The following COL18A1 variants were observed in gnomAD, a reference collection of about 807,000 sequenced individuals.
COL18A1 encodes the protein collagen alpha-1(XVIII) chain.
COL18A1 carries 133 observed loss-of-function variants against 168.0 expected under a neutral mutation model. That is an observed-to-expected ratio of 0.79 (90% confidence interval 0.69 to 0.91). The LOEUF (loss-of-function observed/expected upper bound fraction) is 0.91, where lower values mean the gene tolerates loss of function less well. COL18A1 is among the 40% of genes least tolerant of loss of function. The probability of loss-of-function intolerance (pLI) is 0.00; values close to 1 mark genes in which losing one functional copy is unlikely to be tolerated. For missense variants in COL18A1, 2,126 were observed against 1,925.4 expected, an observed-to-expected ratio of 1.10 and a Z score of -1.95; for synonymous variants, 949 against 809.0, an observed-to-expected ratio of 1.17 and a Z score of -2.94.
At position 45,505,256 on chromosome 21, in the gene COL18A1, A is replaced by C. The variant is rs748886407; in HGVS notation, c.2991A>C (p.Ser997=). 3.8e-6 allele frequency: 6 copies of C among 1,592,000 alleles called. No individual in the cohort carries two copies. The South Asian group carries it at 6.7e-5, about 18-fold the overall frequency. The part of the protein sequence containing the change: ...PGPPGPPGPP[S]FPGPHRQTIS... ...CCCCAGGCCCCCCAGGGCCCCCTTC[A>C]TTTCCTGGCCCTCACAGGCAGAGTA... Residue 997 remains serine, a synonymous_variant, in exon 35 of 42, where the codon TCA becomes TCC. Coordinates refer to ENST00000651438, the MANE Select transcript of COL18A1 (RefSeq NM_001379500.1).
At chr21:45,467,833 G>T (rs1421696899) in intron 2 of COL18A1, among the ~76,000 whole-genome samples, 2 of 152,162 alleles carry the variant, frequency 1.3e-5, no homozygotes, top group Non-Finnish European at 2.9e-5. Flanking sequence ...CCCAGCGGGG[G>T]TGCCGGCCAG....
intron 41 of COL18A1, 115 bp downstream of exon 41, chr21:45,511,341 A>ATTACT (rs2037597939): frequency 1.4e-6 from 1 of 695,986 alleles, no homozygotes; most frequent in East Asian, 2.7e-5. Context: ...ATACATGCTC[A>ATTACT]TTACTTTAAA....
At chr21:45,477,709 GCCCCA>G (rs749136851) in intron 7 of COL18A1, 36 bp from the exon 8 acceptor site, 25 of 1,500,010 alleles carry the variant, frequency 1.7e-5, no homozygotes, top group Non-Finnish European at 2.2e-5. Flanking sequence ...GGTGTGTGGG[GCCCCA>G]CCCCAGCCCG....
rs758170783 is a variant in COL18A1 at position 45,499,078 on chromosome 21, GATCA to G, written c.2683+1419_2683+1422del. Among the ~76,000 whole-genome samples, 66 of 152,190 alleles carry G rather than the reference GATCA, an allele frequency of 4.3e-4. 1 individual carries two copies. Among genetic ancestry groups the G allele is most frequent in the Non-Finnish European group, 6.8e-4 (46 of 68,038 alleles). Reference sequence around the variant, plus strand: ...CTCAGAGCATTCCCCTCATTCGAAGGATCAACAATTAGAGTGACGAGATTTCTCA... The same window carrying G: ...CTCAGAGCATTCCCCTCATTCGAAGGACAATTAGAGTGACGAGATTTCTCA... On this transcript the variant is annotated intron_variant, in intron 32 of 41. Coordinates refer to ENST00000651438, the MANE Select transcript of COL18A1 (RefSeq NM_001379500.1).
At chr21:45,487,138 C>A in intron 16 of COL18A1, 146 bp downstream of exon 16, 2 of 876,930 alleles carry the variant, frequency 2.3e-6, no homozygotes, top group Non-Finnish European at 3.4e-6. Flanking sequence ...CCATATTCCG[C>A]ATGGTGGGGC....
intron 2 of COL18A1, among the ~76,000 whole-genome samples, chr21:45,409,317 C>T (rs1364117637): frequency 6.6e-6 from 1 of 152,182 alleles, no homozygotes; most frequent in East Asian, 1.9e-4. Context: ...GGGCAGAATC[C>T]TGGGAAACTA....
intron 2 of COL18A1, among the ~76,000 whole-genome samples, chr21:45,445,149 T>C (rs189788959): frequency 1.1e-3 from 164 of 152,324 alleles, no homozygotes; most frequent in African/African-American, 3.8e-3. Context: ...TGGCCACCGG[T>C]CATCTCCTTT....
intron 2 of COL18A1, among the ~76,000 whole-genome samples, chr21:45,431,536 TC>T (rs1569284545): frequency 1.8e-4 from 6 of 32,450 alleles, no homozygotes; most frequent in African/African-American, 6.5e-4. Context: ...CAGGCAGGAC[TC>T]GGCGGCCCAG....
chr21:45,448,668 T>C (rs1177854291), intron 2 of COL18A1, among the ~76,000 whole-genome samples: 1 of 152,270 alleles, frequency 6.6e-6, no homozygotes, highest in Admixed American at 6.5e-5. Flanking sequence ...AGAGCCACAG[T>C]GTCATTGTCA....
chr21:45,510,001 C>T, intron 39 of COL18A1, 63 bp from the exon 40 acceptor site: 1 of 1,518,348 alleles, frequency 6.6e-7, no homozygotes, highest in Admixed American at 2.0e-5. Flanking sequence ...GGGTGGTGCG[C>T]CCGGGGCCTG....
chr21:45,499,068 T>C (rs1373479544), intron 32 of COL18A1, among the ~76,000 whole-genome samples: 3 of 152,186 alleles, frequency 2.0e-5, no homozygotes, highest in South Asian at 4.1e-4. Flanking sequence ...AGCATTCCCC[T>C]CATTCGAAGG....
intron 40 of COL18A1, among the ~76,000 whole-genome samples, 174 bp downstream of exon 40, chr21:45,510,435 TCAGGC>T (rs2037512647): frequency 6.6e-6 from 1 of 152,110 alleles, no homozygotes; most frequent in African/African-American, 2.4e-5. Context: ...CCCTCCAGGC[TCAGGC>T]CAGGCCTCTG....
At chr21:45,496,109 T>A (rs915614021) in intron 29 of COL18A1, 29 of 387,598 alleles carry the variant, frequency 7.5e-5, no homozygotes, top group Admixed American at 1.1e-4. Flanking sequence ...ATGCCCTCCA[T>A]GCCCTCCAAG....
intron 20 of COL18A1, among the ~76,000 whole-genome samples, 186 bp downstream of exon 20, chr21:45,490,532 C>G (rs934719215): frequency 9.5e-5 from 11 of 115,666 alleles, no homozygotes; most frequent in Non-Finnish European, 1.8e-4. Flanking sequence ...TCCCGGGTCT[C>G]TGGGCCTCCG....
intron 29 of COL18A1, chr21:45,496,058 C>T (rs755068692): frequency 5.5e-6 from 2 of 365,400 alleles, no homozygotes; most frequent in South Asian, 2.2e-5. Context: ...GCAGGGCATC[C>T]ATGGGCCTGG....
In COL18A1 at chr21:45,456,130, G is replaced by T. The variant is rs201419516; in HGVS notation, c.107-12112G>T. Reference sequence around the variant, plus strand: ...CCCCATCGCCTCCCTCCCTGGGCAGGCCCTGGGCACCACTCACGGGGCCCT... The same window carrying T: ...CCCCATCGCCTCCCTCCCTGGGCAGTCCCTGGGCACCACTCACGGGGCCCT... On this transcript the variant is annotated intron_variant, in intron 2 of 41. Coordinates refer to ENST00000651438, the MANE Select transcript of COL18A1 (RefSeq NM_001379500.1). 1,298 of 1,585,302 alleles carry T rather than the reference G, an allele frequency of 8.2e-4. 1 individual carries two copies. The highest frequency in any genetic ancestry group is 1.4e-3 in the Admixed American group (82 of 58,570).
At chr21:45,437,490 ACT>A (rs1408808619) in intron 2 of COL18A1, among the ~76,000 whole-genome samples, 1 of 65,132 alleles carries the variant, frequency 1.5e-5, no homozygotes, top group Non-Finnish European at 2.9e-5. Flanking sequence ...ACACACTCAC[ACT>A]CACACACAGG....
chr21:45,405,682 G>T (rs1221542810), intron 2 of COL18A1, among the ~76,000 whole-genome samples: 1 of 151,022 alleles, frequency 6.6e-6, no homozygotes, highest in Non-Finnish European at 1.5e-5. Context: ...CGGGGTCCGG[G>T]CCGGGAGGGG....
chr21:45,485,895 C>G (rs570565805), intron 15 of COL18A1, among the ~76,000 whole-genome samples: 18 of 152,354 alleles, frequency 1.2e-4, no homozygotes, highest in Admixed American at 5.9e-4. Context: ...GTGCTGGGCT[C>G]ACACTATCTC....
Sources: gnomAD v4.1 joint callset for allele counts (sites outside exome capture counted in the v4.1 genomes callset) on GRCh38, gnomAD v4.1.1 for gene constraint, MANE v1.5 for transcripts, NCBI Gene and HGNC (gene_info 2026-07-23, HGNC 2026-07-21) for gene names.